The following SV2B variants were observed in gnomAD, a reference collection of about 807,000 sequenced individuals.
SV2B encodes synaptic vesicle glycoprotein 2B.
Under a neutral mutation model 73.9 loss-of-function variants are expected in SV2B, and 41 were observed. That is an observed-to-expected ratio of 0.56 (90% confidence interval 0.43 to 0.72). The LOEUF is 0.72. SV2B is among the 30% of genes least tolerant of loss of function. SV2B has a pLI of 0.00. For missense variants in SV2B, 764 were observed against 857.8 expected, an observed-to-expected ratio of 0.89 and a Z score of 1.37; for synonymous variants, 314 against 314.2, an observed-to-expected ratio of 1.00 and a Z score of 0.01.
intron 1 of SV2B, among the ~76,000 whole-genome samples, chr15:91,135,362 C>T (rs527497930): frequency 1.8e-4 from 27 of 152,286 alleles, no homozygotes; most frequent in South Asian, 1.2e-3. Context: ...TCACTCTTCC[C>T]GCTTCACCTC....
chr15:91,131,261 A>G (rs1596454473), intron 1 of SV2B, among the ~76,000 whole-genome samples: 2 of 139,244 alleles, frequency 1.4e-5, no homozygotes, highest in Admixed American at 7.5e-5. Flanking sequence ...AAGTGTTGGG[A>G]GGTGTGAGCC....
intron 9 of SV2B, among the ~76,000 whole-genome samples, chr15:91,273,889 T>C (rs1446472001): frequency 6.6e-6 from 1 of 152,202 alleles, no homozygotes; most frequent in African/African-American, 2.4e-5. Flanking sequence ...CATATACATG[T>C]GTATCATAAA....
intron 1 of SV2B, among the ~76,000 whole-genome samples, chr15:91,171,182 G>A (rs898542952): frequency 1.3e-5 from 2 of 152,112 alleles, no homozygotes; most frequent in Non-Finnish European, 2.9e-5. Context: ...ATGGTGTCGG[G>A]GTCCCTGGAA....
chr15:91,271,668 G>A (rs2048321461), intron 9 of SV2B, among the ~76,000 whole-genome samples: 1 of 152,116 alleles, frequency 6.6e-6, no homozygotes, highest in African/African-American at 2.4e-5. Context: ...TGAATAAAAA[G>A]GGTATTTTTC....
chr15:91,107,574 G>A (rs372664907), intron 1 of SV2B, among the ~76,000 whole-genome samples: 1 of 151,756 alleles, frequency 6.6e-6, no homozygotes, highest in Non-Finnish European at 1.5e-5. Context: ...GCCTCCCAAA[G>A]TGCTGGGATT....
rs564415473 is a variant in SV2B, at chr15:91,149,454, G to A, written c.-392+49091G>A. Among the ~76,000 whole-genome samples, 5 of 152,300 alleles carry A rather than the reference G, an allele frequency of 3.3e-5. No homozygotes were observed. The East Asian group carries it at 7.7e-4, about 23-fold the overall frequency. On this transcript the variant is annotated intron_variant, in intron 1 of 12. Transcript: ENST00000394232. ...AAGTCTCAGATGTTTTGACCTGTAG[G>A]ACTTTATCTCAGAAGAGAAACTTGA...
At chr15:91,209,787 G>A (rs1350495349) in intron 1 of SV2B, among the ~76,000 whole-genome samples, 1 of 152,196 alleles carries the variant, frequency 6.6e-6, no homozygotes, top group African/African-American at 2.4e-5. Flanking sequence ...GAGATCGTGA[G>A]TGAGAAGCTC....
Position 91,124,773 on chromosome 15 carries a change from C to A in SV2B, c.-392+24410C>A, listed in dbSNP as rs1350053686. Among the ~76,000 whole-genome samples the A allele has an allele frequency of 6.6e-6, 1 of 152,150 alleles. No homozygotes were observed. Among genetic ancestry groups the A allele is most frequent in the East Asian group, 1.9e-4 (1 of 5,188 alleles). ...GGTTCAAGCGATTCTTGAGCCTCAGCATCCCAAGTAACTGGGACTACAGGC... is the reference window on the plus strand; with the variant it reads ...GGTTCAAGCGATTCTTGAGCCTCAGAATCCCAAGTAACTGGGACTACAGGC... On this transcript the variant is annotated intron_variant, in intron 1 of 12. Coordinates refer to ENST00000394232, the MANE Select transcript of SV2B (RefSeq NM_001323032.3). This position sits in a 1 kb window ranked among gnomAD's most constrained non-coding sequence, Gnocchi z 4.6.
At chr15:91,206,341 C>T (rs529095612) in intron 1 of SV2B, among the ~76,000 whole-genome samples, 7 of 151,928 alleles carry the variant, frequency 4.6e-5, no homozygotes, top group African/African-American at 9.7e-5. Context: ...CGTGCCCAGC[C>T]GATGACTACT....
At position 91,174,875 on chromosome 15, in the gene SV2B, G is replaced by A. The variant is rs144071092; in HGVS notation, c.-391-50998G>A. Among the ~76,000 whole-genome samples, 1,323 of 152,286 alleles carry A rather than the reference G, an allele frequency of 8.7e-3. 13 individuals are homozygous for A. The highest frequency in any genetic ancestry group is 0.03 in the African/African-American group (1,228 of 41,556). ...GGGACAGACACTGAGCAGAGAGAAG[G>A]TAAGCTCAGACCCCGTCGTCTTGGT... On this transcript the variant is annotated intron_variant, in intron 1 of 12. Coordinates refer to ENST00000394232, the MANE Select transcript of SV2B (RefSeq NM_001323032.3).
intron 1 of SV2B, among the ~76,000 whole-genome samples, chr15:91,108,017 GTGA>G (rs1172980721): frequency 1.3e-5 from 2 of 152,066 alleles, no homozygotes; most frequent in Admixed American, 6.6e-5. Context: ...TGTGGTGGTG[GTGA>G]TGATGATGAT....
chr15:91,173,750 G>T (rs1056469871), intron 1 of SV2B, among the ~76,000 whole-genome samples: 22 of 152,200 alleles, frequency 1.4e-4, no homozygotes, highest in African/African-American at 5.3e-4. Context: ...GAAAGAATAG[G>T]TGAATATTTC....
intron 9 of SV2B, among the ~76,000 whole-genome samples, chr15:91,270,982 C>T (rs62026606): frequency 0.17 from 17,247 of 101,360 alleles, 3,180 homozygotes; most frequent in African/African-American, 0.36. Flanking sequence ...GATGGGCGGA[C>T]GGTGAGTCCT....
At chr15:91,107,618 A>AT (rs949738139) in intron 1 of SV2B, among the ~76,000 whole-genome samples, 12 of 149,594 alleles carry the variant, frequency 8.0e-5, no homozygotes, top group African/African-American at 7.4e-5. Flanking sequence ...CTAACTTTCT[A>AT]TTTTTTTTTG....
At chr15:91,152,315 A>G (rs1448900579) in intron 1 of SV2B, among the ~76,000 whole-genome samples, 2 of 152,134 alleles carry the variant, frequency 1.3e-5, no homozygotes, top group Non-Finnish European at 2.9e-5. Context: ...CACATGGTTA[A>G]TGGTGTTTGG....
rs58842618 is a variant in SV2B at position 91,197,543 on chromosome 15, G to GAA, written c.-391-28321_-391-28320dup. Reference sequence around the variant, plus strand: ...CCAGCCATCATTGTTTTTAATAGAAGAAAAAAAAAACCAAACCAAACCAAA... The same window carrying GAA: ...CCAGCCATCATTGTTTTTAATAGAAGAAAAAAAAAAAACCAAACCAAACCAAA... On this transcript the variant is annotated intron_variant, in intron 1 of 12. Coordinates refer to ENST00000394232, the MANE Select transcript of SV2B (RefSeq NM_001323032.3). This position sits in a 1 kb window ranked among gnomAD's most constrained non-coding sequence, Gnocchi z 4.9. Among the ~76,000 whole-genome samples the GAA allele has an allele frequency of 4.4e-3, 614 of 140,398 alleles. 3 individuals carry two copies. Among genetic ancestry groups the GAA allele is most frequent in the African/African-American group, 0.013 (516 of 38,530 alleles). 92.1% of individuals were successfully genotyped at this position (140,398 alleles called of 152,430 possible). A position where few individuals can be genotyped will look rare whatever the true frequency, so the allele number is the denominator to read the frequency against.
In SV2B at chr15:91,226,573, C is replaced by T; in HGVS notation, c.310C>T (p.His104Tyr). Reference sequence around the variant, plus strand: ...CGAGACCATCATGGATGAGTGTGGCCATGGCCGCTTCCAGTGGATCCTCTT... The same window carrying T: ...CGAGACCATCATGGATGAGTGTGGCTATGGCCGCTTCCAGTGGATCCTCTT... Reference protein sequence around the residue: ...QYETIMDECGHGRFQWILFFV... With the variant: ...QYETIMDECGYGRFQWILFFV... Residue 104 changes from histidine (H) to tyrosine (Y), a missense_variant, in exon 2 of 13, where the codon CAT (histidine) becomes TAT (tyrosine). Transcript: ENST00000394232. 1 of 1,614,198 alleles carries T rather than the reference C, an allele frequency of 6.2e-7. No individual in the cohort carries two copies.
At chr15:91,287,813 G>C (rs1180004181) in intron 11 of SV2B, among the ~76,000 whole-genome samples, 1 of 152,178 alleles carries the variant, frequency 6.6e-6, no homozygotes, top group Non-Finnish European at 1.5e-5. Flanking sequence ...AATAAGGCAG[G>C]TGAGGCACCC....
chr15:91,221,015 A>G (rs1044155346), intron 1 of SV2B, among the ~76,000 whole-genome samples: 3 of 151,870 alleles, frequency 2.0e-5, no homozygotes, highest in African/African-American at 7.3e-5. Context: ...AGGTGTGTGC[A>G]ACCATGCCTG....
Sources: allele counts gnomAD v4.1 joint callset (sites outside exome capture counted in the v4.1 genomes callset), GRCh38; gene constraint gnomAD v4.1.1; non-coding constraint Gnocchi (gnomAD v3.1); transcripts MANE v1.5; gene names NCBI Gene and HGNC (gene_info 2026-07-23, HGNC 2026-07-21).